The following CACNA2D3 variants were observed in gnomAD, a reference collection of about 807,000 sequenced individuals.
CACNA2D3 encodes the protein calcium voltage-gated channel auxiliary subunit alpha2delta 3.
CACNA2D3 carries 60 observed loss-of-function variants against 160.6 expected under a neutral mutation model. The ratio of observed to expected loss-of-function variants is 0.37; its 90% confidence interval spans 0.30 to 0.46. CACNA2D3 has a LOEUF of 0.46. Among genes scored for constraint, CACNA2D3 ranks in the 20% least tolerant of loss-of-function variants. The pLI, the probability that CACNA2D3 is intolerant of heterozygous loss-of-function variation, is 1.00. For missense variants in CACNA2D3, 1,205 were observed against 1,365.0 expected (o/e 0.88, Z 1.85); for synonymous variants, 558 against 492.9 (o/e 1.13, Z -1.75).
chr3:54,322,545 G>C (rs543052682), intron 3 of CACNA2D3, among the ~76,000 whole-genome samples: 27 of 152,206 alleles, frequency 1.8e-4, no homozygotes, highest in Non-Finnish European at 3.8e-4. Flanking sequence ...GCAGGGCTCA[G>C]CAGAGTTAAT....
chr3:54,410,672 C>T (rs1575440442), intron 4 of CACNA2D3, among the ~76,000 whole-genome samples: 1 of 150,226 alleles, frequency 6.7e-6, no homozygotes, highest in African/African-American at 2.4e-5. Context: ...TCATTGACAA[C>T]TCACATGGCA....
chr3:54,304,161 C>T (rs957313692), intron 2 of CACNA2D3, among the ~76,000 whole-genome samples: 7 of 152,122 alleles, frequency 4.6e-5, no homozygotes, highest in African/African-American at 1.4e-4. Context: ...CCTTTCTTCC[C>T]CCGAGTTGTG....
chr3:54,699,118 C>T (rs560593411), intron 11 of CACNA2D3, among the ~76,000 whole-genome samples: 1 of 152,232 alleles, frequency 6.6e-6, no homozygotes, highest in East Asian at 1.9e-4. Context: ...AAAATAAGAC[C>T]AAGGCATCAA....
chr3:54,826,191 T>C (rs1214658085), intron 14 of CACNA2D3, among the ~76,000 whole-genome samples: 1 of 152,172 alleles, frequency 6.6e-6, no homozygotes, highest in Non-Finnish European at 1.5e-5. Context: ...TGTTACTCAC[T>C]GGTCACATCC....
chr3:54,201,085 G>A (rs1377269165), intron 2 of CACNA2D3, among the ~76,000 whole-genome samples: 2 of 152,144 alleles, frequency 1.3e-5, no homozygotes, highest in African/African-American at 2.4e-5. Context: ...TGTGAAATAA[G>A]CGCTGGGTTT....
chr3:54,862,521 T>C (rs1310077350), intron 17 of CACNA2D3, among the ~76,000 whole-genome samples: 1 of 152,224 alleles, frequency 6.6e-6, no homozygotes, highest in East Asian at 1.9e-4. Context: ...TTTCTTTCCC[T>C]CTTGCCTGCA....
In CACNA2D3 at chr3:54,759,157, T is replaced by C. The variant is rs574847513; in HGVS notation, c.1247-5061T>C. 9.2e-5 allele frequency among the ~76,000 whole-genome samples: 14 copies of C among 152,324 alleles called. No homozygotes were observed. The South Asian group carries it at 1.5e-3, about 16-fold the overall frequency. On this transcript the variant is annotated intron_variant, in intron 12 of 37. Coordinates refer to ENST00000474759, the MANE Select transcript of CACNA2D3 (RefSeq NM_018398.3). Reference sequence around the variant, plus strand: ...GAATAAGGTAAATAAATTGATGTTATAGAGAAAAACGAGCAGACCATTTGT... The same window carrying C: ...GAATAAGGTAAATAAATTGATGTTACAGAGAAAAACGAGCAGACCATTTGT...
intron 4 of CACNA2D3, among the ~76,000 whole-genome samples, chr3:54,486,521 A>T (rs1449597293): frequency 6.6e-6 from 1 of 152,200 alleles, no homozygotes; most frequent in East Asian, 1.9e-4. Flanking sequence ...CCAAGATGTG[A>T]CTGCCTTTCA....
intron 11 of CACNA2D3, among the ~76,000 whole-genome samples, chr3:54,687,121 C>CTTTTTCTTTTTTTTTTT: frequency 5.3e-5 from 5 of 94,970 alleles, no homozygotes; most frequent in Non-Finnish European, 8.3e-5. Context: ...TTTTCTTTTT[C>CTTTTTCTTTTTTTTTTT]TTTTTTTTTT....
intron 14 of CACNA2D3, among the ~76,000 whole-genome samples, chr3:54,831,213 C>A (rs1703871374): frequency 6.6e-6 from 1 of 152,324 alleles, no homozygotes; most frequent in African/African-American, 2.4e-5. Context: ...GCCTCTAGGG[C>A]TGAGCAGATC....
intron 13 of CACNA2D3, among the ~76,000 whole-genome samples, chr3:54,815,130 T>C (rs1703418485): frequency 6.6e-6 from 1 of 152,244 alleles, no homozygotes; most frequent in Non-Finnish European, 1.5e-5. Flanking sequence ...TATTTTTTTC[T>C]GAACTCTTGA....
chr3:54,922,740 T>C (rs1432040130), intron 27 of CACNA2D3, among the ~76,000 whole-genome samples: 2 of 152,132 alleles, frequency 1.3e-5, no homozygotes, highest in Admixed American at 1.3e-4. Context: ...CGACTCCCCA[T>C]GGATATGTAC....
intron 9 of CACNA2D3, among the ~76,000 whole-genome samples, chr3:54,610,629 T>A (rs905664412): frequency 6.6e-6 from 1 of 152,116 alleles, no homozygotes; most frequent in Non-Finnish European, 1.5e-5. Flanking sequence ...TCTTTCCTTT[T>A]TTTTTCTTTT....
chr3:54,829,012 A>T (rs1703809368), intron 14 of CACNA2D3, among the ~76,000 whole-genome samples: 2 of 152,208 alleles, frequency 1.3e-5, no homozygotes, highest in Admixed American at 1.3e-4. Context: ...AAAGTCTCTC[A>T]ATTAAAACTG....
chr3:54,382,755 A>G (rs1437120898), intron 3 of CACNA2D3, among the ~76,000 whole-genome samples: 1 of 152,264 alleles, frequency 6.6e-6, no homozygotes, highest in Non-Finnish European at 1.5e-5. Context: ...TTGCACTCCA[A>G]CCTGGGTGAC....
intron 9 of CACNA2D3, among the ~76,000 whole-genome samples, chr3:54,589,593 C>T (rs1307586828): frequency 2.0e-5 from 3 of 151,924 alleles, no homozygotes; most frequent in Non-Finnish European, 4.4e-5. Flanking sequence ...ATGTGAAAGA[C>T]TCTGTTAACA....
chr3:54,472,002 A>G (rs1700741408), intron 4 of CACNA2D3, among the ~76,000 whole-genome samples: 1 of 152,114 alleles, frequency 6.6e-6, no homozygotes, highest in African/African-American at 2.4e-5. Context: ...TTCTGAAATA[A>G]CTCCAAATGA....
intron 5 of CACNA2D3, among the ~76,000 whole-genome samples, chr3:54,556,132 G>T (rs1438850499): frequency 1.3e-5 from 2 of 152,076 alleles, no homozygotes; most frequent in African/African-American, 4.8e-5. Flanking sequence ...ATTGAACATT[G>T]GTCCCAAAAA....
At chr3:54,871,202 C>G (rs2694126) in intron 17 of CACNA2D3, among the ~76,000 whole-genome samples, 68,870 of 144,500 alleles carry the variant, frequency 0.48, 17,157 homozygotes, top group East Asian at 0.85. Flanking sequence ...CACACACACA[C>G]ACACACACAC....
Sources: gnomAD v4.1 joint callset for allele counts (sites outside exome capture counted in the v4.1 genomes callset) on GRCh38, gnomAD v4.1.1 for gene constraint, MANE v1.5 for transcripts, NCBI Gene and HGNC (gene_info 2026-07-23, HGNC 2026-07-21) for gene names.